The following ANKRD11 variants were observed in gnomAD, a reference collection of about 807,000 sequenced individuals.
ANKRD11 encodes ankyrin repeat domain-containing protein 11.
Under a neutral mutation model 195.7 loss-of-function variants are expected in ANKRD11, and 17 were observed. That is an observed-to-expected ratio of 0.09 (90% CI 0.06 to 0.13). The LOEUF (loss-of-function observed/expected upper bound fraction) is 0.13, where lower values mean the gene tolerates loss of function less well. Ranked by LOEUF, ANKRD11 falls within the 10% of genes least tolerant of loss-of-function variation. The pLI, the probability that ANKRD11 is intolerant of heterozygous loss-of-function variation, is 1.00. For synonymous variants in ANKRD11, 1,953 were observed against 1,528.1 expected, an observed-to-expected ratio of 1.28 and a Z score of -6.49; for missense variants, 3,735 against 3,566.1, an observed-to-expected ratio of 1.05 and a Z score of -1.21.
intron 3 of ANKRD11, among the ~76,000 whole-genome samples, chr16:89,312,534 C>T (rs56136715): frequency 0.032 from 4,873 of 152,296 alleles, 140 homozygotes; most frequent in East Asian, 0.049. Context: ...AGAAGCGGAT[C>T]CAAGTCCAGC....
chr16:89,445,987 A>C (rs543184421), intron 1 of ANKRD11, among the ~76,000 whole-genome samples: 1,542 of 149,016 alleles, frequency 0.01, 21 homozygotes, highest in African/African-American at 0.036. Flanking sequence ...AAAACAAAAA[A>C]AAAAATTTTT....
chr16:89,414,961 T>C (rs1369511965), intron 2 of ANKRD11, among the ~76,000 whole-genome samples: 1 of 152,198 alleles, frequency 6.6e-6, no homozygotes, highest in Non-Finnish European at 1.5e-5. Context: ...TCTTCTTTAT[T>C]TGGGACAGGG....
At chr16:89,426,622 T>A (rs552823703) in intron 1 of ANKRD11, among the ~76,000 whole-genome samples, 99 of 151,032 alleles carry the variant, frequency 6.6e-4, no homozygotes, top group African/African-American at 2.3e-3. Context: ...AAAGCCTAAA[T>A]CAGGCGCATA....
intron 4 of ANKRD11, chr16:89,300,688 G>C: frequency 1.9e-6 from 1 of 537,936 alleles, no homozygotes; most frequent in East Asian, 3.2e-5. Context: ...CCTATCTGAG[G>C]CACCAGGAAC....
At chr16:89,387,922 A>C (rs1286517653) in intron 2 of ANKRD11, among the ~76,000 whole-genome samples, 1 of 149,606 alleles carries the variant, frequency 6.7e-6, no homozygotes, top group East Asian at 2.0e-4. Context: ...AGGCAGGAGA[A>C]TCGCTTCTTG....
chr16:89,453,459 C>G (rs1047860562), intron 1 of ANKRD11, among the ~76,000 whole-genome samples: 5 of 152,162 alleles, frequency 3.3e-5, no homozygotes, highest in African/African-American at 1.2e-4. Flanking sequence ...AGACAGAATT[C>G]TCTTCCTTCC....
intron 2 of ANKRD11, among the ~76,000 whole-genome samples, chr16:89,379,518 T>C (rs2040557436): frequency 6.6e-6 from 1 of 152,166 alleles, no homozygotes; most frequent in Non-Finnish European, 1.5e-5. Flanking sequence ...GACAAAGTCT[T>C]GCTCTGTCGC....
chr16:89,489,967 C>G (rs940187561), intron 1 of ANKRD11, among the ~76,000 whole-genome samples: 9 of 147,606 alleles, frequency 6.1e-5, no homozygotes, highest in Admixed American at 2.7e-4. Context: ...CAGGCCCCCC[C>G]CGGAGCCCCC....
At chr16:89,458,194 G>C (rs1389298568) in intron 1 of ANKRD11, among the ~76,000 whole-genome samples, 1 of 151,742 alleles carries the variant, frequency 6.6e-6, no homozygotes, top group East Asian at 1.9e-4. Flanking sequence ...TCCTGTTCTT[G>C]TTGTACTTTA....
rs2034092692 is a variant in ANKRD11, at chr16:89,280,356, C to T, written c.6186G>A (p.Leu2062=). ...ACTTGCAGTTGCTGAAGAAGGACTC[C>T]AGCCCGGAGGGAGGGGCGTAGGGAG... ...EAAPYAPPSG[L]ESFFSNCKSL... Residue 2062 remains leucine, a synonymous_variant, in exon 9 of 13, where the codon CTG becomes CTA. Coordinates refer to ENST00000301030, the MANE Select transcript of ANKRD11 (RefSeq NM_013275.6). 4.5e-6 allele frequency: 7 copies of T among 1,570,846 alleles called. No individual in the cohort carries two copies. Among genetic ancestry groups the T allele is most frequent in the South Asian group, 3.5e-5 (3 of 85,934 alleles).
chr16:89,271,408 T>C (rs544093224), intron 11 of ANKRD11: 1 of 237,278 alleles, frequency 4.2e-6, no homozygotes, highest in Non-Finnish European at 8.4e-6. Context: ...GCTAATTTTG[T>C]ATTTTTAGTA....
intron 2 of ANKRD11, among the ~76,000 whole-genome samples, chr16:89,326,051 G>A (rs1597653074): frequency 6.6e-6 from 1 of 152,254 alleles, no homozygotes; most frequent in Non-Finnish European, 1.5e-5. Context: ...CTGTGAAGAC[G>A]AAGGGGAGGA....
Position 89,290,622 on chromosome 16 carries a change from C to A in ANKRD11, c.601+3G>T. ...TGGCCCTTGCCAGGCACAGGGTGCC[C>A]ACCTGCGAAGTCCTTGACGTTGACG... On this transcript the variant is annotated splice_donor_region_variant and intron_variant, in intron 6 of 12. Transcript: ENST00000301030. 6.2e-7 allele frequency: 1 copy of A among 1,612,022 alleles called. No individual in the cohort carries two copies. The highest frequency in any genetic ancestry group is 1.1e-5 in the South Asian group (1 of 91,082).
chr16:89,410,380 G>C (rs2042067111), intron 2 of ANKRD11, among the ~76,000 whole-genome samples: 1 of 152,226 alleles, frequency 6.6e-6, no homozygotes, highest in African/African-American at 2.4e-5. Flanking sequence ...AAGGCTGACT[G>C]TACCAAGGAA....
chr16:89,302,849 G>C (rs2035940473), intron 4 of ANKRD11, among the ~76,000 whole-genome samples: 1 of 152,162 alleles, frequency 6.6e-6, no homozygotes, highest in South Asian at 2.1e-4. Context: ...GCCCCTCACA[G>C]AGTAAGGACA....
At chr16:89,330,000 T>TAAAATAAAAC (rs2037961626) in intron 2 of ANKRD11, among the ~76,000 whole-genome samples, 1 of 137,766 alleles carries the variant, frequency 7.3e-6, no homozygotes. Flanking sequence ...GTCTCAAAAA[T>TAAAATAAAAC]AAAATAAAAT....
In ANKRD11 at chr16:89,288,658, A is replaced by G; in HGVS notation, c.614T>C (p.Leu205Pro). Residue 205 changes from leucine to proline, a missense_variant, in exon 7 of 13, where the codon CTG becomes CCG. Transcript: ENST00000301030. ...NVKDFAGWTA[L>P]HEACNRGYYD... is the part of the protein sequence containing the mutation. ...GTAGCCCCGGTTACAGGCCTCGTGCAGCGCCGTCCAGCCTGGAAACAGACA... is the reference window on the plus strand; with the variant it reads ...GTAGCCCCGGTTACAGGCCTCGTGCGGCGCCGTCCAGCCTGGAAACAGACA... 1 of 1,613,994 alleles carries G rather than the reference A, an allele frequency of 6.2e-7. No homozygotes were observed. Among genetic ancestry groups the G allele is most frequent in the Non-Finnish European group, 8.5e-7 (1 of 1,180,018 alleles).
chr16:89,436,218 C>T (rs1214441629), intron 1 of ANKRD11, among the ~76,000 whole-genome samples: 3 of 152,062 alleles, frequency 2.0e-5, no homozygotes, highest in Admixed American at 6.5e-5. Flanking sequence ...AGTTCGAGAC[C>T]AGCCTGGCCA....
chr16:89,453,416 C>A (rs1469354877), intron 1 of ANKRD11, among the ~76,000 whole-genome samples: 2 of 152,112 alleles, frequency 1.3e-5, no homozygotes, highest in African/African-American at 4.8e-5. Flanking sequence ...ATAGGAATTT[C>A]AACTAAGTTA....
Sources: gnomAD v4.1 joint callset for allele counts (sites outside exome capture counted in the v4.1 genomes callset) on GRCh38, gnomAD v4.1.1 for gene constraint, MANE v1.5 for transcripts, NCBI Gene and HGNC (gene_info 2026-07-23, HGNC 2026-07-21) for gene names.